CHRM3: variants seen among roughly 807,000 people sequenced by gnomAD.
The protein encoded by CHRM3 is cholinergic receptor muscarinic 3.
CHRM3 carries 11 observed loss-of-function variants against 41.8 expected under a neutral mutation model. That is an observed-to-expected ratio of 0.26 (90% confidence interval 0.17 to 0.44). The LOEUF (loss-of-function observed/expected upper bound fraction) is 0.44. CHRM3 is among the 20% of genes least tolerant of loss of function. CHRM3 has a pLI of 1.00. For missense variants in CHRM3, 571 were observed against 745.4 expected (o/e 0.77, Z 2.72); for synonymous variants, 297 against 301.4 (o/e 0.99, Z 0.15).
chr1:239,769,752 G>A (rs1224724156), intron 5 of CHRM3, among the ~76,000 whole-genome samples: 1 of 152,116 alleles, frequency 6.6e-6, no homozygotes, highest in African/African-American at 2.4e-5. Flanking sequence ...TTGGTGGCAG[G>A]TGCCTGTAGT....
At chr1:239,520,882 A>G (rs886335369) in intron 2 of CHRM3, among the ~76,000 whole-genome samples, 6 of 152,180 alleles carry the variant, frequency 3.9e-5, no homozygotes, top group African/African-American at 1.4e-4. Context: ...CATACATAAC[A>G]TACTGTTAGT....
chr1:239,500,803 T>C (rs371956311), intron 2 of CHRM3, among the ~76,000 whole-genome samples: 2 of 152,042 alleles, frequency 1.3e-5, no homozygotes, highest in South Asian at 2.1e-4. Context: ...TGAATGTAAG[T>C]GGCCTAAATG....
intron 6 of CHRM3, among the ~76,000 whole-genome samples, chr1:239,831,993 C>T (rs1374182107): frequency 6.6e-6 from 1 of 152,220 alleles, no homozygotes; most frequent in Non-Finnish European, 1.5e-5. Context: ...GACCATCACA[C>T]TTTTGCCTCA....
At chr1:239,527,038 G>T (rs1283519101) in intron 2 of CHRM3, among the ~76,000 whole-genome samples, 14 of 152,132 alleles carry the variant, frequency 9.2e-5, no homozygotes, top group African/African-American at 3.4e-4. Context: ...TGGGAGGATT[G>T]CTTGAGCTGG....
At chr1:239,778,970 G>A (rs368256999) in intron 5 of CHRM3, among the ~76,000 whole-genome samples, 2 of 152,094 alleles carry the variant, frequency 1.3e-5, no homozygotes, top group East Asian at 3.9e-4. Context: ...CTTCAAAAAA[G>A]ATGGTTTAAC....
Position 239,914,905 on chromosome 1 carries a change from C to T in CHRM3, c.*5681C>T, listed in dbSNP as rs1331551895. 2 of 167,040 alleles carry T rather than the reference C, an allele frequency of 1.2e-5. No homozygotes were observed. The highest frequency in any genetic ancestry group is 2.9e-5 in the Non-Finnish European group (2 of 68,124). The allele number at this position is 167,040 out of a possible 1,614,324, so 10.3% of individuals were successfully genotyped here. ...TCCAGTACATGGGCATTTCCAGCCT[C>T]CTACATGTAACACTTCAAACTTCCT... On this transcript the variant is annotated 3_prime_UTR_variant, in exon 7 of 7. Transcript: ENST00000676153.
In CHRM3 at chr1:239,548,388, C is replaced by T. The variant is rs369649274; in HGVS notation, c.-313+2639C>T. On this transcript the variant is annotated intron_variant, in intron 3 of 6. Transcript: ENST00000676153. ...TATAAACCATCTAAAACAATGACAG[C>T]GTTTGGTTTGTCCAACTCTGTCCAT... Among the ~76,000 whole-genome samples, 86 of 152,298 alleles carry T rather than the reference C, an allele frequency of 5.6e-4. No individual in the cohort carries two copies. The South Asian group carries it at 6.0e-3, about 11-fold the overall frequency.
intron 6 of CHRM3, among the ~76,000 whole-genome samples, chr1:239,901,333 T>C (rs961969508): frequency 2.9e-5 from 4 of 136,196 alleles, no homozygotes; most frequent in Middle Eastern, 3.5e-3. Flanking sequence ...AACTTTGGGA[T>C]TTTTTTTTTT....
At chr1:239,694,629 C>T (rs756743550) in intron 5 of CHRM3, among the ~76,000 whole-genome samples, 18 of 152,086 alleles carry the variant, frequency 1.2e-4, no homozygotes, top group Non-Finnish European at 2.5e-4. Context: ...TTCATTTTTA[C>T]CTTAAGGATC....
chr1:239,847,458 T>C (rs1316867696), intron 6 of CHRM3, among the ~76,000 whole-genome samples: 1 of 152,222 alleles, frequency 6.6e-6, no homozygotes, highest in Non-Finnish European at 1.5e-5. Flanking sequence ...TGGCCTTAGT[T>C]TGTTTTTTTC....
At chr1:239,554,785 A>G (rs1161868795) in intron 3 of CHRM3, among the ~76,000 whole-genome samples, 1 of 140,644 alleles carries the variant, frequency 7.1e-6, no homozygotes, top group Non-Finnish European at 1.5e-5. Flanking sequence ...GCTGGAGTGC[A>G]GTGGTGCAAT....
chr1:239,481,414 G>A (rs1422406023), intron 1 of CHRM3, among the ~76,000 whole-genome samples: 2 of 151,842 alleles, frequency 1.3e-5, no homozygotes, highest in Non-Finnish European at 2.9e-5. Flanking sequence ...CCACATACTA[G>A]GGCTTTTTTC....
At chr1:239,841,597 C>T (rs192693429) in intron 6 of CHRM3, among the ~76,000 whole-genome samples, 8 of 152,254 alleles carry the variant, frequency 5.3e-5, no homozygotes, top group Admixed American at 1.3e-4. Context: ...GACTGGAATC[C>T]TAAATCCATT....
intron 1 of CHRM3, among the ~76,000 whole-genome samples, chr1:239,409,594 T>G (rs1240454922): frequency 1.3e-5 from 2 of 152,148 alleles, no homozygotes; most frequent in Non-Finnish European, 2.9e-5. Flanking sequence ...TAAAAAATTT[T>G]TGGGGCTATT....
chr1:239,615,722 T>G (rs1667556575), intron 3 of CHRM3, among the ~76,000 whole-genome samples: 1 of 151,618 alleles, frequency 6.6e-6, no homozygotes, highest in Non-Finnish European at 1.5e-5. Flanking sequence ...CCCCAATATC[T>G]CCATTATCAT....
In CHRM3 at chr1:239,908,691, G is replaced by A. The variant is rs145638222; in HGVS notation, c.1240G>A (p.Val414Met). The A allele has an allele frequency of 5.5e-5, 89 of 1,612,942 alleles. No individual in the cohort carries two copies. Among genetic ancestry groups the A allele is most frequent in the African/African-American group, 1.2e-4 (9 of 74,994 alleles). ...KADKLQAQKS[V>M]DDGGSFPKSF... ...CGACAAGCTGCAGGCCCAGAAGAGC[G>A]TGGACGATGGAGGCAGTTTTCCAAA... is the stretch of plus-strand genomic sequence containing the variant. Residue 414 changes from valine (V) to methionine (M), a missense_variant, in exon 7 of 7, where the codon GTG becomes ATG. Transcript: ENST00000676153. This position sits in a 1 kb window ranked among gnomAD's most constrained non-coding sequence, Gnocchi z 7.2.
At chr1:239,637,323 A>C (rs1436554623) in intron 4 of CHRM3, among the ~76,000 whole-genome samples, 1 of 152,048 alleles carries the variant, frequency 6.6e-6, no homozygotes, top group Non-Finnish European at 1.5e-5. Flanking sequence ...AGCATACATA[A>C]ATATTCCTGA....
At chr1:239,833,652 TC>T (rs1174711629) in intron 6 of CHRM3, among the ~76,000 whole-genome samples, 1 of 152,164 alleles carries the variant, frequency 6.6e-6, no homozygotes, top group Non-Finnish European at 1.5e-5. Flanking sequence ...TATTAATACA[TC>T]CCCGAGGAGG....
At chr1:239,753,134 G>T (rs116646922) in intron 5 of CHRM3, among the ~76,000 whole-genome samples, 1 of 152,038 alleles carries the variant, frequency 6.6e-6, no homozygotes, top group Admixed American at 6.6e-5. Context: ...CTATTATAGC[G>T]AGCACAAAAA....
Sources: gnomAD v4.1 joint callset for allele counts (sites outside exome capture counted in the v4.1 genomes callset) on GRCh38, gnomAD v4.1.1 for gene constraint, Gnocchi (gnomAD v3.1) non-coding constraint, MANE v1.5 for transcripts, NCBI Gene and HGNC (gene_info 2026-07-23, HGNC 2026-07-21) for gene names.